CDH18: variants seen among roughly 807,000 people sequenced by gnomAD.
The protein encoded by CDH18 is cadherin 18.
Under a neutral mutation model 67.9 loss-of-function variants are expected in CDH18, and 31 were observed. That is an observed-to-expected ratio of 0.46 (90% CI 0.34 to 0.62). CDH18 has a LOEUF of 0.62. Among genes scored for constraint, CDH18 ranks in the 20% least tolerant of loss-of-function variants. The probability of loss-of-function intolerance (pLI) is 0.01; values close to 1 mark genes in which losing one functional copy is unlikely to be tolerated. For synonymous variants in CDH18, 362 were observed against 347.2 expected (o/e 1.04, Z -0.48); for missense variants, 890 against 975.5 (o/e 0.91, Z 1.17).
intron 1 of CDH18, among the ~76,000 whole-genome samples, chr5:20,546,637 C>T (rs565985801): frequency 6.6e-6 from 1 of 152,242 alleles, no homozygotes; most frequent in African/African-American, 2.4e-5. Flanking sequence ...GGAGAAACCA[C>T]TCCCAGGATC....
Position 19,831,856 on chromosome 5 carries a change from T to G in CDH18, c.228+6903A>C, listed in dbSNP as rs1325580928. 3.9e-5 allele frequency among the ~76,000 whole-genome samples: 6 copies of G among 152,048 alleles called. No homozygotes were observed. In the East Asian group the frequency reaches 1.2e-3, roughly 29 times the overall value. The stretch of plus-strand genomic sequence containing the variant: ...TAGCAAAGACATGGATTCAATAACT[T>G]AGGTGTCCCTCAATGGTGGATTAAA... On this transcript the variant is annotated intron_variant, in intron 3 of 12. Transcript: ENST00000382275.
chr5:20,420,181 A>T (rs1426618182), intron 1 of CDH18, among the ~76,000 whole-genome samples: 1 of 151,148 alleles, frequency 6.6e-6, no homozygotes, highest in Non-Finnish European at 1.5e-5. Flanking sequence ...TCATGTGGCT[A>T]CTTTGAAGAT....
chr5:19,528,186 T>A (rs1339700286), intron 9 of CDH18, among the ~76,000 whole-genome samples: 2 of 151,748 alleles, frequency 1.3e-5, no homozygotes, highest in African/African-American at 4.8e-5. Flanking sequence ...AATAATTCAG[T>A]TTTAACATGT....
chr5:19,575,890 C>T (rs1310161007), intron 7 of CDH18, among the ~76,000 whole-genome samples: 2 of 152,130 alleles, frequency 1.3e-5, no homozygotes, highest in African/African-American at 4.8e-5. Context: ...TGATTGGACA[C>T]TCAATTTATA....
At chr5:20,105,494 T>C (rs548825743) in intron 2 of CDH18, among the ~76,000 whole-genome samples, 1 of 152,356 alleles carries the variant, frequency 6.6e-6, no homozygotes, top group African/African-American at 2.4e-5. Context: ...GCTAAGCATG[T>C]TCGCAGTGTT....
intron 11 of CDH18, among the ~76,000 whole-genome samples, chr5:19,488,548 T>C (rs1278667529): frequency 6.6e-6 from 1 of 152,150 alleles, no homozygotes; most frequent in Non-Finnish European, 1.5e-5. Flanking sequence ...TGGTTTCATA[T>C]TGTCTCTGAG....
At chr5:19,960,696 T>C (rs1796769900) in intron 2 of CDH18, among the ~76,000 whole-genome samples, 1 of 135,390 alleles carries the variant, frequency 7.4e-6, no homozygotes, top group Admixed American at 7.1e-5. Context: ...TATACACGTG[T>C]ATATATGTAT....
intron 2 of CDH18, among the ~76,000 whole-genome samples, chr5:20,250,047 G>A (rs957544987): frequency 5.9e-5 from 9 of 152,078 alleles, no homozygotes; most frequent in African/African-American, 2.2e-4. Context: ...CTGATTGAAC[G>A]CTCTTGATAT....
chr5:20,085,264 G>A (rs111688833), intron 2 of CDH18, among the ~76,000 whole-genome samples: 3,462 of 152,168 alleles, frequency 0.023, 60 homozygotes, highest in African/African-American at 0.042. Context: ...CAGTCTTTTT[G>A]CTAAAACATC....
chr5:20,389,385 T>C (rs1295273340), intron 1 of CDH18, among the ~76,000 whole-genome samples: 1 of 152,162 alleles, frequency 6.6e-6, no homozygotes, highest in Non-Finnish European at 1.5e-5. Context: ...ACCTGCCTTT[T>C]TTTGTTTTCC....
intron 10 of CDH18, among the ~76,000 whole-genome samples, chr5:19,511,208 C>T (rs527634938): frequency 2.7e-4 from 41 of 152,176 alleles, no homozygotes; most frequent in Non-Finnish European, 5.0e-4. Flanking sequence ...CTTGGCTTTC[C>T]CCCGTGATTG....
chr5:19,684,504 TA>T (rs1426893444), intron 5 of CDH18, among the ~76,000 whole-genome samples: 1 of 150,666 alleles, frequency 6.6e-6, no homozygotes, highest in Non-Finnish European at 1.5e-5. Flanking sequence ...TAATATATAT[TA>T]AAATATATGT....
At chr5:20,217,342 G>C (rs186789951) in intron 2 of CDH18, among the ~76,000 whole-genome samples, 2 of 151,800 alleles carry the variant, frequency 1.3e-5, no homozygotes, top group African/African-American at 4.8e-5. Flanking sequence ...ACAATACAAT[G>C]AGATACAACA....
chr5:19,756,656 T>C (rs1581212815), intron 3 of CDH18, among the ~76,000 whole-genome samples: 1 of 152,226 alleles, frequency 6.6e-6, no homozygotes, highest in East Asian at 1.9e-4. Context: ...ACTCCCTCCT[T>C]AGCTTGTTGG....
intron 1 of CDH18, among the ~76,000 whole-genome samples, chr5:20,425,362 C>A: frequency 6.7e-6 from 1 of 150,164 alleles, no homozygotes; most frequent in East Asian, 1.9e-4. Flanking sequence ...GAGGGTGAGA[C>A]TCTGTCTCAA....
At position 19,726,518 on chromosome 5, in the gene CDH18, A is replaced by G. The variant is rs547650934; in HGVS notation, c.524-5052T>C. Among the ~76,000 whole-genome samples the G allele has an allele frequency of 2.7e-4, 41 of 152,316 alleles. 1 individual carries two copies. Among genetic ancestry groups the G allele is most frequent in the African/African-American group, 9.1e-4 (38 of 41,584 alleles). ...ACACACACATGAATAGCAGAGCCCAACTAAATGCCAGCCCATCAGAGAACA... is the reference window on the plus strand; with the variant it reads ...ACACACACATGAATAGCAGAGCCCAGCTAAATGCCAGCCCATCAGAGAACA... On this transcript the variant is annotated intron_variant, in intron 4 of 12. Coordinates refer to ENST00000382275, the MANE Select transcript of CDH18 (RefSeq NM_004934.5).
intron 2 of CDH18, among the ~76,000 whole-genome samples, chr5:19,952,186 A>C (rs1176143265): frequency 6.6e-6 from 1 of 152,102 alleles, no homozygotes; most frequent in African/African-American, 2.4e-5. Context: ...AGTAGCTGGG[A>C]TTACAGGCAC....
chr5:19,726,045 T>A (rs1288045793), intron 4 of CDH18, among the ~76,000 whole-genome samples: 1 of 152,210 alleles, frequency 6.6e-6, no homozygotes, highest in African/African-American at 2.4e-5. Context: ...TGCAAGATCA[T>A]TCTTCTTTTG....
At chr5:19,936,246 C>A (rs1794245264) in intron 2 of CDH18, among the ~76,000 whole-genome samples, 1 of 151,128 alleles carries the variant, frequency 6.6e-6, no homozygotes, top group African/African-American at 2.4e-5. Context: ...ATAAAAAGTG[C>A]AACAGCCTGT....
Sources: gnomAD v4.1 joint callset for allele counts (sites outside exome capture counted in the v4.1 genomes callset) on GRCh38, gnomAD v4.1.1 for gene constraint, MANE v1.5 for transcripts, NCBI Gene and HGNC (gene_info 2026-07-23, HGNC 2026-07-21) for gene names.